The following AFF3 variants were observed in gnomAD, a reference collection of about 807,000 sequenced individuals.
AFF3 encodes the protein AF4/FMR2 family member 3.
AFF3 carries 32 observed loss-of-function variants against 129.7 expected under a neutral mutation model. That is an observed-to-expected ratio of 0.25 (90% CI 0.19 to 0.33). The LOEUF is 0.33. Among genes scored for constraint, AFF3 ranks in the 10% least tolerant of loss-of-function variants. The pLI, the probability that AFF3 is intolerant of heterozygous loss-of-function variation, is 1.00. For missense variants in AFF3, 1,373 were observed against 1,592.0 expected, an observed-to-expected ratio of 0.86 and a Z score of 2.34; for synonymous variants, 644 against 635.4, an observed-to-expected ratio of 1.01 and a Z score of -0.20.
intron 8 of AFF3, among the ~76,000 whole-genome samples, chr2:99,793,936 A>G (rs372678691): frequency 2.6e-5 from 4 of 152,218 alleles, no homozygotes; most frequent in Non-Finnish European, 5.9e-5. Context: ...TCCTTGAAGA[A>G]CTGCTCTAAC....
chr2:100,100,869 A>T (rs1449568302), intron 4 of AFF3, among the ~76,000 whole-genome samples: 1 of 152,234 alleles, frequency 6.6e-6, no homozygotes, highest in Non-Finnish European at 1.5e-5. Context: ...AAGACCAGGG[A>T]GTGGAGGGGG....
intron 8 of AFF3, among the ~76,000 whole-genome samples, chr2:99,824,316 T>C (rs1348342856): frequency 1.3e-5 from 2 of 152,090 alleles, no homozygotes; most frequent in African/African-American, 2.4e-5. Flanking sequence ...GGTTTCTCCA[T>C]GTTGGTCAGG....
At chr2:100,073,146 G>A (rs1453874084) in intron 4 of AFF3, among the ~76,000 whole-genome samples, 2 of 152,170 alleles carry the variant, frequency 1.3e-5, no homozygotes, top group African/African-American at 4.8e-5. Flanking sequence ...TTCAGATGCT[G>A]ACATCCTAAT....
At chr2:99,966,299 C>T (rs1056295264) in intron 7 of AFF3, among the ~76,000 whole-genome samples, 1 of 152,094 alleles carries the variant, frequency 6.6e-6, no homozygotes, top group Admixed American at 6.5e-5. Flanking sequence ...TTACAATTTA[C>T]ACAGATGAAA....
chr2:99,986,201 A>AAATGAT (rs1679849177), intron 7 of AFF3, among the ~76,000 whole-genome samples: 1 of 137,108 alleles, frequency 7.3e-6, no homozygotes, highest in Non-Finnish European at 1.6e-5. Context: ...ACTTCATCTC[A>AAATGAT]AATAATAATA....
At chr2:99,706,478 C>A (rs1159129750) in intron 11 of AFF3, among the ~76,000 whole-genome samples, 1 of 152,188 alleles carries the variant, frequency 6.6e-6, no homozygotes, top group Non-Finnish European at 1.5e-5. Context: ...TGTGGGCTTA[C>A]CATCTCTGGC....
At chr2:99,617,675 T>G (rs1332288719) in intron 13 of AFF3, among the ~76,000 whole-genome samples, 2 of 152,212 alleles carry the variant, frequency 1.3e-5, no homozygotes, top group Admixed American at 1.3e-4. Context: ...GTAACCTGTA[T>G]TTTTCTTTTG....
At chr2:99,612,453 C>A (rs1010040069) in intron 13 of AFF3, among the ~76,000 whole-genome samples, 10 of 152,132 alleles carry the variant, frequency 6.6e-5, no homozygotes, top group Non-Finnish European at 1.0e-4. Flanking sequence ...GGACATGTTA[C>A]CAAGAATGTA....
intron 4 of AFF3, among the ~76,000 whole-genome samples, chr2:100,034,006 T>C (rs1019026625): frequency 2.0e-5 from 3 of 152,188 alleles, no homozygotes; most frequent in African/African-American, 7.2e-5. Context: ...TTTGATTTAA[T>C]TCTCAATAAG....
At chr2:99,782,993 A>C (rs931006606) in intron 8 of AFF3, among the ~76,000 whole-genome samples, 1 of 152,210 alleles carries the variant, frequency 6.6e-6, no homozygotes, top group African/African-American at 2.4e-5. Flanking sequence ...TGAGAATTTT[A>C]TGAGAGATTA....
At chr2:99,745,734 C>T (rs1681104287) in intron 9 of AFF3, among the ~76,000 whole-genome samples, 1 of 152,094 alleles carries the variant, frequency 6.6e-6, no homozygotes, top group Non-Finnish European at 1.5e-5. Flanking sequence ...GGAATAAAGC[C>T]AGTACTACAC....
At chr2:100,127,557 A>G (rs1692248581) in intron 2 of AFF3, among the ~76,000 whole-genome samples, 1 of 152,190 alleles carries the variant, frequency 6.6e-6, no homozygotes, top group Admixed American at 6.5e-5. Flanking sequence ...TCTCAGCTTC[A>G]ACTGCTCTTC....
rs1319993829 is a variant in AFF3, at chr2:99,593,479, C to T, written c.2182G>A (p.Ala728Thr). The change falls in exon 15 of 25, where the codon GCC (alanine) becomes ACC (threonine). Residue 728 changes from alanine to threonine, a missense_variant. By Grantham distance (58) the Ala-to-Thr change is moderately conservative (BLOSUM62 0). Around this residue, in one of 9 missense-constraint regions of AFF3, gnomAD observed 466 missense variants for 505.0 expected, o/e 0.92. Transcript: ENST00000672756. ...GPRAPVGSIN[A>T]RTTSDIAKEL... ...TTGGCGATGTCACTGGTGGTCCTGG[C>T]GTTGATGGAGCCTACAGGGGCCCTA... 15 of 1,613,774 alleles carry T rather than the reference C, an allele frequency of 9.3e-6. No individual in the cohort carries two copies. The highest frequency in any genetic ancestry group is 2.2e-5 in the East Asian group (1 of 44,852).
At chr2:100,026,721 A>G (rs1684077023) in intron 4 of AFF3, among the ~76,000 whole-genome samples, 1 of 147,816 alleles carries the variant, frequency 6.8e-6, no homozygotes, top group African/African-American at 2.5e-5. Context: ...ATATAAATAT[A>G]TATATATATA....
At chr2:100,019,917 T>C (rs1683447709) in intron 4 of AFF3, among the ~76,000 whole-genome samples, 1 of 152,122 alleles carries the variant, frequency 6.6e-6, no homozygotes, top group South Asian at 2.1e-4. Flanking sequence ...GATGCCACTT[T>C]CTCGTGTTTG....
chr2:99,859,384 A>G (rs905779334), intron 7 of AFF3, among the ~76,000 whole-genome samples: 3 of 152,150 alleles, frequency 2.0e-5, no homozygotes, highest in Admixed American at 2.0e-4. Flanking sequence ...AAAATTACCA[A>G]TTGCTGGGCC....
At position 99,580,547 on chromosome 2, in the gene AFF3, C is replaced by T. The variant is rs372307914; in HGVS notation, c.2794-2096G>A. Among the ~76,000 whole-genome samples, 86 of 152,292 alleles carry T rather than the reference C, an allele frequency of 5.6e-4. No homozygotes were observed. The South Asian group carries it at 0.015, about 26-fold the overall frequency. The stretch of plus-strand genomic sequence containing the variant: ...GCCAGGGATGCTGCCAAACATCCTA[C>T]GTTGCACAGGACAGCCCCACCACAA... On this transcript the variant is annotated intron_variant, in intron 17 of 24. Transcript: ENST00000672756.
intron 4 of AFF3, among the ~76,000 whole-genome samples, chr2:100,046,861 C>A (rs1284845043): frequency 6.6e-6 from 1 of 152,052 alleles, no homozygotes; most frequent in African/African-American, 2.4e-5. Context: ...GGGCAGGAAT[C>A]CGCCTTGACA....
intron 8 of AFF3, among the ~76,000 whole-genome samples, chr2:99,823,635 TA>T (rs899481858): frequency 1.4e-4 from 22 of 152,086 alleles, no homozygotes; most frequent in Middle Eastern, 3.2e-3. Context: ...GAAAGATACT[TA>T]AAAAAATGAG....
Sources: gnomAD v4.1 joint callset for allele counts (sites outside exome capture counted in the v4.1 genomes callset) on GRCh38, gnomAD v4.1.1 for gene constraint, gnomAD v4.1.1 regional missense constraint, MANE v1.5 for transcripts, NCBI Gene and HGNC (gene_info 2026-07-23, HGNC 2026-07-21) for gene names.